The following PTPRG variants were observed in gnomAD, a reference collection of about 807,000 sequenced individuals.
PTPRG encodes the protein receptor-type tyrosine-protein phosphatase gamma.
Under a neutral mutation model 165.3 loss-of-function variants are expected in PTPRG, and 102 were observed. The observed-to-expected ratio is 0.62, with a 90% CI of 0.53 to 0.73. The LOEUF is 0.73. Ranked by LOEUF, PTPRG falls within the 30% of genes least tolerant of loss-of-function variation. The pLI, the probability that PTPRG is intolerant of heterozygous loss-of-function variation, is 0.00. For missense variants in PTPRG, 1,866 were observed against 1,861.4 expected (o/e 1.00, Z -0.05); for synonymous variants, 675 against 669.5 (o/e 1.01, Z -0.13).
intron 28 of PTPRG, among the ~76,000 whole-genome samples, chr3:62,283,720 T>C (rs1265729045): frequency 6.6e-6 from 1 of 152,126 alleles, no homozygotes; most frequent in African/African-American, 2.4e-5. Flanking sequence ...GTGAAGCTTA[T>C]TGTGAAGGCT....
At chr3:62,013,555 C>T (rs6800837) in intron 4 of PTPRG, among the ~76,000 whole-genome samples, 133,783 of 152,264 alleles carry the variant, frequency 0.88, 59,075 homozygotes, top group East Asian at 1. Context: ...TTTTGCTAAA[C>T]GTGTGGATTA....
chr3:61,749,408 A>C (rs2033343695), intron 2 of PTPRG: 1 of 282,502 alleles, frequency 3.5e-6, no homozygotes, highest in African/African-American at 2.3e-5. Flanking sequence ...AAGCCAAGAA[A>C]TGCAACTTTA....
chr3:62,275,198 T>C (rs1177737409), intron 23 of PTPRG, among the ~76,000 whole-genome samples: 3 of 152,200 alleles, frequency 2.0e-5, no homozygotes, highest in African/African-American at 7.2e-5. Context: ...GCTGGTTACT[T>C]ATAAAAGCCT....
chr3:62,214,624 T>G lies in PTPRG; in HGVS notation c.2156-4227T>G, dbSNP rs1424397545. Among the ~76,000 whole-genome samples, 1 of 152,110 alleles carries G rather than the reference T, an allele frequency of 6.6e-6. No individual in the cohort carries two copies. The highest frequency in any genetic ancestry group is 2.4e-5 in the African/African-American group (1 of 41,412). On this transcript the variant is annotated intron_variant, in intron 12 of 29. Coordinates refer to ENST00000474889, the MANE Select transcript of PTPRG (RefSeq NM_002841.4). The surrounding 1 kb of genome is among the most constrained non-coding windows in gnomAD (Gnocchi z 5.2). ...TAGAGTAACAAAAGAGCGATTATAA[T>G]TGAGTATGATGTGTGCAGTAAGAGC...
intron 1 of PTPRG, among the ~76,000 whole-genome samples, chr3:61,629,275 C>T (rs951238824): frequency 6.6e-6 from 1 of 152,176 alleles, no homozygotes; most frequent in African/African-American, 2.4e-5. Flanking sequence ...CTGCCTCAGC[C>T]TCCTGAGTAG....
chr3:61,738,672 C>T (rs2032859020), intron 1 of PTPRG, among the ~76,000 whole-genome samples: 1 of 151,382 alleles, frequency 6.6e-6, no homozygotes, highest in South Asian at 2.1e-4. Context: ...CACAATTACA[C>T]ATTTTAAATG....
intron 8 of PTPRG, among the ~76,000 whole-genome samples, chr3:62,184,610 C>G (rs1705795409): frequency 6.6e-6 from 1 of 152,172 alleles, no homozygotes; most frequent in Non-Finnish European, 1.5e-5. Context: ...ACAGGAAATG[C>G]CTCCTGCTCT....
At chr3:61,578,899 G>T (rs1044488292) in intron 1 of PTPRG, among the ~76,000 whole-genome samples, 1 of 152,216 alleles carries the variant, frequency 6.6e-6, no homozygotes, top group African/African-American at 2.4e-5. Context: ...CCTTTGTTTG[G>T]TGCAGGTGAT....
chr3:62,200,613 C>T (rs998254676), intron 10 of PTPRG, among the ~76,000 whole-genome samples: 2 of 151,872 alleles, frequency 1.3e-5, no homozygotes, highest in Non-Finnish European at 2.9e-5. Context: ...TGTATTTTAC[C>T]GTAATCTTAA....
intron 1 of PTPRG, among the ~76,000 whole-genome samples, chr3:61,690,131 G>T (rs2030092672): frequency 6.6e-6 from 1 of 152,126 alleles, no homozygotes; most frequent in African/African-American, 2.4e-5. Flanking sequence ...CTTCCTTCTG[G>T]CATTATCCGC....
At chr3:61,802,986 G>A (rs1255521683) in intron 2 of PTPRG, among the ~76,000 whole-genome samples, 51 of 152,158 alleles carry the variant, frequency 3.4e-4, no homozygotes, top group Non-Finnish European at 1.5e-5. Flanking sequence ...CCCTGGGTAG[G>A]CAAACTAGGG....
At chr3:61,968,629 T>G (rs1380270911) in intron 2 of PTPRG, among the ~76,000 whole-genome samples, 1 of 152,196 alleles carries the variant, frequency 6.6e-6, no homozygotes, top group Non-Finnish European at 1.5e-5. Flanking sequence ...ATAGATCTAT[T>G]TGATATAGAT....
At chr3:62,208,091 G>A (rs578071001) in intron 12 of PTPRG, among the ~76,000 whole-genome samples, 1 of 152,162 alleles carries the variant, frequency 6.6e-6, no homozygotes, top group African/African-American at 2.4e-5. Flanking sequence ...TAGGAACCGC[G>A]GGTGGTCAAC....
At chr3:61,738,591 G>A (rs1256842932) in intron 1 of PTPRG, among the ~76,000 whole-genome samples, 1 of 151,134 alleles carries the variant, frequency 6.6e-6, no homozygotes, top group Non-Finnish European at 1.5e-5. Flanking sequence ...TGTTGCCCAG[G>A]CTGGAGTGCA....
At chr3:61,732,789 G>A (rs1005246932) in intron 1 of PTPRG, among the ~76,000 whole-genome samples, 2 of 151,942 alleles carry the variant, frequency 1.3e-5, no homozygotes, top group East Asian at 3.9e-4. Flanking sequence ...CGACAGTGTC[G>A]GACAGCACAA....
chr3:61,680,994 G>A (rs1443420271), intron 1 of PTPRG, among the ~76,000 whole-genome samples: 1 of 132,428 alleles, frequency 7.6e-6, no homozygotes, highest in African/African-American at 2.7e-5. Context: ...TTCCAAAACC[G>A]GTTTAGATGA....
intron 1 of PTPRG, among the ~76,000 whole-genome samples, chr3:61,672,723 G>A (rs1377893098): frequency 1.4e-5 from 2 of 144,000 alleles, no homozygotes; most frequent in Non-Finnish European, 3.0e-5. Flanking sequence ...GAGAGGGAGA[G>A]GGAGACTGTG....
chr3:61,887,170 A>ATATTTTTTTT (rs60282456), intron 2 of PTPRG, among the ~76,000 whole-genome samples: 2 of 115,524 alleles, frequency 1.7e-5, no homozygotes, highest in East Asian at 6.6e-4. Flanking sequence ...ATATATATAT[A>ATATTTTTTTT]TTTTTAATGC....
chr3:61,716,210 A>G (rs1156245088), intron 1 of PTPRG, among the ~76,000 whole-genome samples: 1 of 152,186 alleles, frequency 6.6e-6, no homozygotes, highest in African/African-American at 2.4e-5. Flanking sequence ...CTCTAACGTC[A>G]TCTTGAACTC....
Sources: gnomAD v4.1 joint callset for allele counts (sites outside exome capture counted in the v4.1 genomes callset) on GRCh38, gnomAD v4.1.1 for gene constraint, Gnocchi (gnomAD v3.1) non-coding constraint, MANE v1.5 for transcripts, NCBI Gene and HGNC (gene_info 2026-07-23, HGNC 2026-07-21) for gene names.